Variants in DAPK1 observed in about 807,000 individuals in gnomAD.
The protein encoded by DAPK1 is death associated protein kinase 1.
Under a neutral mutation model 144.9 loss-of-function variants are expected in DAPK1, and 56 were observed. The ratio of observed to expected loss-of-function variants is 0.39; its 90% CI spans 0.31 to 0.48. DAPK1 has a LOEUF of 0.48. DAPK1 is among the 20% of genes least tolerant of loss of function. The pLI is 0.95. For synonymous variants in DAPK1, 690 were observed against 749.0 expected, an observed-to-expected ratio of 0.92 and a Z score of 1.29; for missense variants, 1,454 against 1,875.4, an observed-to-expected ratio of 0.78 and a Z score of 4.15.
intron 2 of DAPK1, among the ~76,000 whole-genome samples, chr9:87,583,866 T>C (rs76982138): frequency 0.03 from 4,618 of 152,292 alleles, 236 homozygotes; most frequent in African/African-American, 0.11. Flanking sequence ...CTTCAGTTCA[T>C]GGGGTTGGAG....
At chr9:87,607,328 C>T (rs1587763864) in intron 3 of DAPK1, among the ~76,000 whole-genome samples, 1 of 152,116 alleles carries the variant, frequency 6.6e-6, no homozygotes, top group East Asian at 1.9e-4. Flanking sequence ...TACAAAGTGC[C>T]TGGAAAAAGA....
At chr9:87,705,367 A>G (rs1326795678) in intron 25 of DAPK1, among the ~76,000 whole-genome samples, 1 of 150,960 alleles carries the variant, frequency 6.6e-6, no homozygotes, top group Non-Finnish European at 1.5e-5. Flanking sequence ...GCCTACAGAC[A>G]CAAGCCATCA....
rs1830692614 is a variant in DAPK1, at chr9:87,658,027, A to C, written c.1825-2A>C. 8.1e-7 allele frequency: 1 copy of C among 1,239,818 alleles called. No individual in the cohort carries two copies. The highest frequency in any genetic ancestry group is 1.2e-6 in the Non-Finnish European group (1 of 840,566). 76.8% of individuals were successfully genotyped at this position (1,239,818 alleles called of 1,614,324 possible). On this transcript the variant is annotated splice_acceptor_variant, in intron 17 of 25. Transcript: ENST00000408954. LOFTEE classifies it high-confidence loss of function. ...CCTTTGGCCTTTTTTCTCTCTTCCC[A>C]GTATGGGCGAACGCCTCTGCACCTT... is the stretch of plus-strand genomic sequence containing the variant.
At chr9:87,671,863 C>T (rs979382127) in intron 19 of DAPK1, among the ~76,000 whole-genome samples, 9 of 152,156 alleles carry the variant, frequency 5.9e-5, no homozygotes, top group African/African-American at 1.9e-4. Flanking sequence ...CCCCTTAGCA[C>T]CCAGAGTCCA....
Position 87,651,562 on chromosome 9 carries a change from G to A in DAPK1, c.1662G>A (p.Arg554=). 4 of 1,614,196 alleles carry A rather than the reference G, an allele frequency of 2.5e-6. No homozygotes were observed. Among genetic ancestry groups the A allele is most frequent in the Non-Finnish European group, 3.4e-6 (4 of 1,180,024 alleles). ...GHIALHLAVR[R]CQMEVIKTLL... is the part of the protein sequence containing the mutation. ...TTGCCCTTCATCTGGCTGTAAGACG[G>A]TGTCAGATGGAGGTAATCAAGACTC... The change falls in exon 17 of 26, where the codon CGG becomes CGA. Residue 554 remains arginine (R), a synonymous_variant. Coordinates refer to ENST00000408954, the MANE Select transcript of DAPK1 (RefSeq NM_004938.4).
intron 2 of DAPK1, among the ~76,000 whole-genome samples, chr9:87,515,300 A>G (rs780400754): frequency 1.6e-4 from 25 of 152,240 alleles, no homozygotes; most frequent in Non-Finnish European, 2.6e-4. Flanking sequence ...GCTGTGTTCT[A>G]ATAAAAACAG....
chr9:87,633,043 G>A, intron 3 of DAPK1: 2 of 978,658 alleles, frequency 2.0e-6, no homozygotes, highest in Non-Finnish European at 2.4e-6. Context: ...GATGAAGGAG[G>A]ATGAGTATAT....
intron 9 of DAPK1, 112 bp downstream of exon 9, chr9:87,640,959 T>G: frequency 9.7e-7 from 1 of 1,025,774 alleles, no homozygotes; most frequent in East Asian, 2.4e-5. Flanking sequence ...CCTGGAGTGT[T>G]AAGTTTGCTA....
At chr9:87,554,492 G>T (rs140190976) in intron 2 of DAPK1, 37 of 151,732 alleles carry the variant, frequency 2.4e-4, no homozygotes, top group African/African-American at 8.5e-4. Flanking sequence ...TCAGTTTAAA[G>T]AATTTTTACC....
intron 2 of DAPK1, among the ~76,000 whole-genome samples, chr9:87,580,217 G>A (rs1827703310): frequency 6.6e-6 from 1 of 152,138 alleles, no homozygotes; most frequent in African/African-American, 2.4e-5. Context: ...TGCCCTGTGT[G>A]CTCTTTCTTC....
At chr9:87,537,066 C>T (rs1422352294) in intron 2 of DAPK1, among the ~76,000 whole-genome samples, 1 of 151,818 alleles carries the variant, frequency 6.6e-6, no homozygotes, top group South Asian at 2.1e-4. Flanking sequence ...TGGCTCACTG[C>T]AGCTCTGCCT....
At chr9:87,691,403 A>G (rs1825049132) in intron 21 of DAPK1, among the ~76,000 whole-genome samples, 1 of 151,820 alleles carries the variant, frequency 6.6e-6, no homozygotes, top group South Asian at 2.1e-4. Context: ...CAGTCTAGCA[A>G]ATGGTTTAGC....
rs1825054368 is a variant in DAPK1 at position 87,691,596 on chromosome 9, C to T, written c.2413+4857C>T. ...GCATCATTCGATTGTTTATTTGAAA[C>T]GTTTCTGATTTTTTGACGTAGGTGT... is the stretch of plus-strand genomic sequence containing the variant. On this transcript the variant is annotated intron_variant, in intron 21 of 25. Transcript: ENST00000408954. Among the ~76,000 whole-genome samples the T allele has an allele frequency of 2.6e-5, 4 of 151,694 alleles. No individual in the cohort carries two copies. The South Asian group carries it at 6.2e-4, about 24-fold the overall frequency.
chr9:87,690,625 A>G (rs971288016), intron 21 of DAPK1, among the ~76,000 whole-genome samples: 8 of 152,034 alleles, frequency 5.3e-5, no homozygotes, highest in East Asian at 1.9e-4. Flanking sequence ...GCTTTTCTCT[A>G]TTCAGTATGA....
Position 87,529,797 on chromosome 9 carries a change from C to T in DAPK1, c.62+30658C>T, listed in dbSNP as rs1228058975. Among the ~76,000 whole-genome samples the T allele has an allele frequency of 6.6e-5, 10 of 152,324 alleles. No individual in the cohort carries two copies. In the South Asian group the frequency reaches 1.2e-3, roughly 19 times the overall value. On this transcript the variant is annotated intron_variant, in intron 2 of 25. Coordinates refer to ENST00000408954, the MANE Select transcript of DAPK1 (RefSeq NM_004938.4). ...GCTAGGCTGGGAGAATGCCAGGAGGCGAGTCCCTGTCACCTGCCCCTAGAA... is the reference window on the plus strand; with the variant it reads ...GCTAGGCTGGGAGAATGCCAGGAGGTGAGTCCCTGTCACCTGCCCCTAGAA...
rs138009825 is a variant in DAPK1, at chr9:87,520,614, G to A, written c.62+21475G>A. ...TTAGGATATCGGTAACAATTTTATA[G>A]CCTATATGGTTTCTTTTTGACCCTC... On this transcript the variant is annotated intron_variant, in intron 2 of 25. Transcript: ENST00000408954. Among the ~76,000 whole-genome samples, 276 of 152,302 alleles carry A rather than the reference G, an allele frequency of 1.8e-3. 1 individual carries two copies. The highest frequency in any genetic ancestry group is 3.5e-3 in the South Asian group (17 of 4,830).
At chr9:87,510,063 G>A (rs991122430) in intron 2 of DAPK1, among the ~76,000 whole-genome samples, 2 of 152,180 alleles carry the variant, frequency 1.3e-5, no homozygotes, top group African/African-American at 4.8e-5. Flanking sequence ...ATTACATACA[G>A]CCTCAGGCAT....
chr9:87,597,771 T>G (rs1484279582), intron 2 of DAPK1, among the ~76,000 whole-genome samples: 2 of 152,178 alleles, frequency 1.3e-5, no homozygotes, highest in Non-Finnish European at 2.9e-5. Flanking sequence ...TCCCTGCCGC[T>G]CCTCTCTTCC....
intron 2 of DAPK1, among the ~76,000 whole-genome samples, chr9:87,501,538 CTG>C (rs1824398528): frequency 6.6e-6 from 1 of 151,138 alleles, no homozygotes; most frequent in African/African-American, 2.4e-5. Flanking sequence ...CAGCGAGACT[CTG>C]TCTCAAAAAA....
Sources: allele counts gnomAD v4.1 joint callset (sites outside exome capture counted in the v4.1 genomes callset), GRCh38; gene constraint gnomAD v4.1.1; transcripts MANE v1.5; gene names NCBI Gene and HGNC (gene_info 2026-07-23, HGNC 2026-07-21).